Variants in NTM observed in about 807,000 individuals in gnomAD.
NTM encodes the protein neurotrimin.
Under a neutral mutation model 42.1 loss-of-function variants are expected in NTM, and 13 were observed. The ratio of observed to expected loss-of-function variants is 0.31; its 90% confidence interval spans 0.20 to 0.49. The LOEUF (loss-of-function observed/expected upper bound fraction) is 0.49, where lower values mean the gene tolerates loss of function less well. Among genes scored for constraint, NTM ranks in the 20% least tolerant of loss-of-function variants. NTM has a pLI of 0.99. For synonymous variants in NTM, 187 were observed against 179.2 expected, an observed-to-expected ratio of 1.04 and a Z score of -0.35; for missense variants, 373 against 452.8, an observed-to-expected ratio of 0.82 and a Z score of 1.60.
At chr11:131,953,413 C>T (rs1349135890) in intron 2 of NTM, among the ~76,000 whole-genome samples, 1 of 152,094 alleles carries the variant, frequency 6.6e-6, no homozygotes, top group African/African-American at 2.4e-5. Flanking sequence ...GCGTGTGTGT[C>T]TATGTGTATA....
At chr11:131,562,364 A>G (rs562007627) in intron 1 of NTM, among the ~76,000 whole-genome samples, 1 of 152,334 alleles carries the variant, frequency 6.6e-6, no homozygotes, top group East Asian at 1.9e-4. Flanking sequence ...CATTATGTGA[A>G]GTATAATCTC....
chr11:131,740,839 G>T (rs1460372146), intron 1 of NTM, among the ~76,000 whole-genome samples: 1 of 152,168 alleles, frequency 6.6e-6, no homozygotes, highest in East Asian at 1.9e-4. Flanking sequence ...CACAATAGAA[G>T]TTTGATCATC....
At chr11:131,555,896 C>G (rs1437186465) in intron 1 of NTM, among the ~76,000 whole-genome samples, 1 of 152,136 alleles carries the variant, frequency 6.6e-6, no homozygotes, top group Non-Finnish European at 1.5e-5. Context: ...ACCATGAAGC[C>G]CCCAGATATG....
Position 131,851,974 on chromosome 11 carries a change from C to T in NTM, c.83-59590C>T, listed in dbSNP as rs2045602340. ...CCTAAATCAATTTGCCTGCCTGGAA[C>T]CCGGGTCTGGGGTGCTTGCCATGTT... On this transcript the variant is annotated intron_variant, in intron 1 of 8. Transcript: ENST00000683400. 3.9e-5 allele frequency among the ~76,000 whole-genome samples: 6 copies of T among 152,258 alleles called. No individual in the cohort carries two copies. The South Asian group carries it at 8.3e-4, about 21-fold the overall frequency.
intron 1 of NTM, among the ~76,000 whole-genome samples, chr11:131,852,168 C>A (rs927495196): frequency 6.6e-6 from 1 of 152,118 alleles, no homozygotes; most frequent in Non-Finnish European, 1.5e-5. Flanking sequence ...CCATGAGCTG[C>A]GTGCAAATGG....
chr11:131,498,244 G>T (rs140059061), intron 1 of NTM, among the ~76,000 whole-genome samples: 1 of 152,116 alleles, frequency 6.6e-6, no homozygotes. Flanking sequence ...GCTCTACCAC[G>T]TACTGGTAAT....
intron 2 of NTM, among the ~76,000 whole-genome samples, chr11:132,089,671 C>A (rs1387311899): frequency 2.0e-5 from 3 of 152,148 alleles, no homozygotes; most frequent in Non-Finnish European, 4.4e-5. Context: ...TTGTAAACTA[C>A]TGATTTCTTT....
Position 131,748,704 on chromosome 11 carries a change from A to G in NTM, c.83-162860A>G, listed in dbSNP as rs553234214. Reference sequence around the variant, plus strand: ...TTTGAGAATGTTCCCAGGGGGGTGCAATTCTTTTAATTTATTTAATCCGAT... The same window carrying G: ...TTTGAGAATGTTCCCAGGGGGGTGCGATTCTTTTAATTTATTTAATCCGAT... On this transcript the variant is annotated intron_variant, in intron 1 of 8. Coordinates refer to ENST00000683400, the MANE Select transcript of NTM (RefSeq NM_001352005.2). Among the ~76,000 whole-genome samples the G allele has an allele frequency of 7.2e-5, 11 of 152,300 alleles. No homozygotes were observed. In the East Asian group the frequency reaches 1.9e-3, roughly 27 times the overall value.
chr11:131,424,600 C>CTTTCTTTTTTTTT (rs1947878678), intron 1 of NTM, among the ~76,000 whole-genome samples: 1 of 56,052 alleles, frequency 1.8e-5, no homozygotes, highest in Admixed American at 2.5e-4. Context: ...CTTTTCTTTT[C>CTTTCTTTTTTTTT]TTTTTTTTTT....
chr11:131,619,513 A>G (rs946476481), intron 1 of NTM, among the ~76,000 whole-genome samples: 13 of 152,176 alleles, frequency 8.5e-5, no homozygotes, highest in African/African-American at 3.1e-4. Flanking sequence ...TTGAAAGTAG[A>G]TATGGATTTA....
intron 4 of NTM, among the ~76,000 whole-genome samples, chr11:132,264,345 G>A (rs2093048725): frequency 1.3e-5 from 2 of 152,078 alleles, no homozygotes; most frequent in South Asian, 4.1e-4. Flanking sequence ...TTTCTATTGG[G>A]TTGTTTATCA....
At chr11:132,213,297 C>T (rs979791668) in intron 4 of NTM, among the ~76,000 whole-genome samples, 13 of 152,126 alleles carry the variant, frequency 8.5e-5, no homozygotes, top group Admixed American at 3.3e-4. Flanking sequence ...CTGGCTTGTG[C>T]AGTAGGACAT....
At chr11:131,426,950 C>G (rs1234956828) in intron 1 of NTM, among the ~76,000 whole-genome samples, 1 of 152,050 alleles carries the variant, frequency 6.6e-6, no homozygotes, top group Non-Finnish European at 1.5e-5. Flanking sequence ...TTCTATTATC[C>G]TCCCCCAAGT....
At chr11:131,525,956 A>G (rs2050419081) in intron 1 of NTM, among the ~76,000 whole-genome samples, 1 of 152,192 alleles carries the variant, frequency 6.6e-6, no homozygotes, top group Non-Finnish European at 1.5e-5. Flanking sequence ...AAACTGTCTC[A>G]TGGCTCCATT....
chr11:132,309,575 A>C lies in NTM; in HGVS notation c.662-537A>C, dbSNP rs117648806. ...TTAAACAGAAAAAATGCTTGAGTAC[A>C]TGGTCATTTCAACTCTGTACAGAGG... On this transcript the variant is annotated intron_variant, in intron 5 of 8. Coordinates refer to ENST00000683400, the MANE Select transcript of NTM (RefSeq NM_001352005.2). Among the ~76,000 whole-genome samples, 290 of 152,312 alleles carry C rather than the reference A, an allele frequency of 1.9e-3. 2 individuals carry two copies. In the East Asian group the frequency reaches 0.024, roughly 12 times the overall value.
chr11:131,591,090 A>G (rs901909936), intron 1 of NTM, among the ~76,000 whole-genome samples: 2 of 152,216 alleles, frequency 1.3e-5, no homozygotes, highest in Non-Finnish European at 1.5e-5. Context: ...AGTCAGCAGC[A>G]CTGATTCAGC....
intron 4 of NTM, among the ~76,000 whole-genome samples, chr11:132,261,394 TG>T (rs995134297): frequency 6.6e-6 from 1 of 152,124 alleles, no homozygotes; most frequent in Non-Finnish European, 1.5e-5. Context: ...TGAGTGCACC[TG>T]GGGGGCACAG....
In NTM at chr11:131,488,821, G is replaced by T. The variant is rs1406503014; in HGVS notation, c.82+117933G>T. On this transcript the variant is annotated intron_variant, in intron 1 of 8. Transcript: ENST00000683400. ...TTCTTGGGCTAAAGAACTGTGAGCTGAAAATACAAGGTAAATCCCACTATA... is the reference window on the plus strand; with the variant it reads ...TTCTTGGGCTAAAGAACTGTGAGCTTAAAATACAAGGTAAATCCCACTATA... Among the ~76,000 whole-genome samples, 3 of 152,178 alleles carry T rather than the reference G, an allele frequency of 2.0e-5. No individual in the cohort carries two copies. In the East Asian group the frequency reaches 5.8e-4, roughly 29 times the overall value.
rs7130785 is a variant in NTM at position 131,649,427 on chromosome 11, C to A, written c.83-262137C>A. Among the ~76,000 whole-genome samples the A allele has an allele frequency of 2.0e-5, 3 of 152,248 alleles. No homozygotes were observed. The South Asian group carries it at 6.2e-4, about 32-fold the overall frequency. ...AAAAGTGGTCTGAACGTTCCCAAGG[C>A]CTTTCCATCACCTGGAGAGAGCTCC... On this transcript the variant is annotated intron_variant, in intron 1 of 8. Coordinates refer to ENST00000683400, the MANE Select transcript of NTM (RefSeq NM_001352005.2).
Sources: gnomAD v4.1 joint callset for allele counts (sites outside exome capture counted in the v4.1 genomes callset) on GRCh38, gnomAD v4.1.1 for gene constraint, MANE v1.5 for transcripts, NCBI Gene and HGNC (gene_info 2026-07-23, HGNC 2026-07-21) for gene names.